The following COG3 variants were observed in gnomAD, a reference collection of about 807,000 sequenced individuals.
COG3 encodes component of oligomeric golgi complex 3, also known as conserved oligomeric Golgi complex subunit 3.
A neutral mutation model predicts 114.1 loss-of-function variants in COG3; 32 were observed. The observed-to-expected ratio is 0.28, with a 90% CI of 0.21 to 0.38. The LOEUF is 0.38. Among genes scored for constraint, COG3 ranks in the 10% least tolerant of loss-of-function variants. The probability of loss-of-function intolerance (pLI) is 1.00; values close to 1 mark genes in which losing one functional copy is unlikely to be tolerated. For synonymous variants in COG3, 352 were observed against 365.7 expected (o/e 0.96, Z 0.43); for missense variants, 813 against 973.2 (o/e 0.84, Z 2.19).
intron 22 of COG3, among the ~76,000 whole-genome samples, chr13:45,533,730 T>C (rs1171337032): frequency 6.6e-6 from 1 of 152,226 alleles, no homozygotes; most frequent in Non-Finnish European, 1.5e-5. Context: ...CATGTCTCTT[T>C]AGCTTCTTTT....
intron 1 of COG3, among the ~76,000 whole-genome samples, chr13:45,471,707 A>G (rs1486306766): frequency 2.0e-5 from 3 of 150,488 alleles, no homozygotes; most frequent in Non-Finnish European, 4.4e-5. Flanking sequence ...GTCTGCTGGT[A>G]ATGAATTCTC....
intron 13 of COG3, among the ~76,000 whole-genome samples, chr13:45,497,613 C>G (rs1210020104): frequency 6.6e-6 from 1 of 152,014 alleles, no homozygotes; most frequent in Non-Finnish European, 1.5e-5. Flanking sequence ...GCAAGAAACC[C>G]CATCTCTACT....
chr13:45,513,860 C>T (rs779889286), intron 16 of COG3, among the ~76,000 whole-genome samples: 2 of 151,844 alleles, frequency 1.3e-5, no homozygotes, highest in Non-Finnish European at 2.9e-5. Context: ...AACAATATTA[C>T]ACAGTCATTA....
chr13:45,508,462 TTGTA>T (rs1304146726), intron 14 of COG3, among the ~76,000 whole-genome samples: 1 of 148,828 alleles, frequency 6.7e-6, no homozygotes, highest in African/African-American at 2.5e-5. Flanking sequence ...ATGTGTGTAT[TTGTA>T]TGTGTTGGGG....
chr13:45,528,836 C>T (rs1872919741), intron 20 of COG3, among the ~76,000 whole-genome samples: 1 of 152,032 alleles, frequency 6.6e-6, no homozygotes, highest in South Asian at 2.1e-4. Context: ...TTTTGTTTTT[C>T]CTTATACTCT....
chr13:45,480,982 T>A (rs1886214439), intron 4 of COG3, among the ~76,000 whole-genome samples: 1 of 152,254 alleles, frequency 6.6e-6, no homozygotes, highest in South Asian at 2.1e-4. Flanking sequence ...GTCTCAGAAT[T>A]TTCTCTGTAT....
At chr13:45,534,508 T>C (rs3014901) in intron 22 of COG3, 194 bp from the exon 23 acceptor site, 266,366 of 380,728 alleles carry the variant, frequency 0.7, 94,278 homozygotes, top group Middle Eastern at 0.81. Context: ...TTTTTTTTTT[T>C]CCATTCTAAT....
At chr13:45,465,320 C>T in intron 1 of COG3, 110 bp downstream of exon 1, 1 of 1,436,830 alleles carries the variant, frequency 7.0e-7, no homozygotes, top group African/African-American at 1.5e-5. Context: ...CTCTCCACTC[C>T]TCCCTGGCCA....
intron 15 of COG3, among the ~76,000 whole-genome samples, chr13:45,511,342 C>CTGTA (rs1870840487): frequency 2.0e-5 from 3 of 152,240 alleles, no homozygotes; most frequent in Admixed American, 2.0e-4. Flanking sequence ...GAGCCATGTA[C>CTGTA]ATGATTTCCT....
chr13:45,520,687 C>T (rs1427381465), intron 19 of COG3, among the ~76,000 whole-genome samples: 1 of 145,130 alleles, frequency 6.9e-6, no homozygotes, highest in African/African-American at 2.5e-5. Context: ...CGAGTATTTG[C>T]AATGTGTGCA....
intron 13 of COG3, among the ~76,000 whole-genome samples, chr13:45,498,452 C>T (rs1458476541): frequency 2.0e-5 from 3 of 150,730 alleles, no homozygotes. Context: ...TTCTGCCTCC[C>T]GGGTTCAAGC....
intron 14 of COG3, among the ~76,000 whole-genome samples, chr13:45,509,244 T>G (rs1288269248): frequency 4.6e-5 from 7 of 152,178 alleles, no homozygotes; most frequent in African/African-American, 1.7e-4. Context: ...TTCACCACAT[T>G]GGTCAGGATG....
intron 18 of COG3, 41 bp from the exon 19 acceptor site, chr13:45,518,919 G>A: frequency 6.2e-7 from 1 of 1,613,400 alleles, no homozygotes; most frequent in Non-Finnish European, 8.5e-7. Context: ...GTGATTTCTA[G>A]GCACATAAAA....
In COG3 at chr13:45,464,956, G is replaced by C; in HGVS notation, c.-81G>C. 1 of 1,479,300 alleles carries C rather than the reference G, an allele frequency of 6.8e-7. No homozygotes were observed. Among genetic ancestry groups the C allele is most frequent in the African/African-American group, 1.4e-5 (1 of 71,078 alleles). 91.6% of individuals were successfully genotyped at this position (1,479,300 alleles called of 1,614,324 possible). A position where few individuals can be genotyped will look rare whatever the true frequency, so the allele number is the denominator to read the frequency against. ...CCGCCGGTGCAGTGTTGGAAGCTCCGGTTCTCCCGGAAGTGGCCCAGGTCT... is the reference window on the plus strand; with the variant it reads ...CCGCCGGTGCAGTGTTGGAAGCTCCCGTTCTCCCGGAAGTGGCCCAGGTCT... On this transcript the variant is annotated 5_prime_UTR_variant, in exon 1 of 23. Coordinates refer to ENST00000349995, the MANE Select transcript of COG3 (RefSeq NM_031431.4).
chr13:45,472,909 G>A (rs575557257), intron 1 of COG3, among the ~76,000 whole-genome samples: 3 of 151,984 alleles, frequency 2.0e-5, no homozygotes, highest in Non-Finnish European at 4.4e-5. Flanking sequence ...TCCCTCTGTC[G>A]CCTAGGCTGG....
At chr13:45,483,392 T>A in intron 7 of COG3, 37 bp downstream of exon 7, 1 of 1,492,238 alleles carries the variant, frequency 6.7e-7, no homozygotes, top group Non-Finnish European at 9.0e-7. Context: ...TTTTTGTTAT[T>A]GTTGTTGTTT....
At chr13:45,491,213 T>G (rs1010194875) in intron 9 of COG3, among the ~76,000 whole-genome samples, 199 bp from the exon 10 acceptor site, 2 of 152,234 alleles carry the variant, frequency 1.3e-5, no homozygotes, top group Admixed American at 6.5e-5. Flanking sequence ...CTTTAAAAGA[T>G]AAAGCTTATG....
Position 45,465,127 on chromosome 13 carries a change from A to G in COG3, c.91A>G (p.Thr31Ala). The G allele has an allele frequency of 1.9e-6, 3 of 1,613,410 alleles. No homozygotes were observed. Among genetic ancestry groups the G allele is most frequent in the Non-Finnish European group, 1.7e-6 (2 of 1,179,880 alleles). Reference protein sequence around the residue: ...KLALWDRRPDTTAPLTDRQTD... With the variant: ...KLALWDRRPDATAPLTDRQTD... The stretch of plus-strand genomic sequence containing the variant: ...GGCTCTCTGGGATCGGAGACCGGAC[A>G]CGACGGCGCCGCTGACCGACAGGCA... Residue 31 changes from threonine (T) to alanine (A), a missense_variant, in exon 1 of 23, where the codon ACG (threonine) becomes GCG (alanine). By Grantham distance (58) the Thr-to-Ala change is moderately conservative (BLOSUM62 0). Around this residue, in one of 2 missense-constraint regions of COG3, gnomAD observed 424 missense variants for 430.6 expected, o/e 0.98. Transcript: ENST00000349995.
At chr13:45,526,478 A>G (rs1426051905) in intron 20 of COG3, among the ~76,000 whole-genome samples, 1 of 152,138 alleles carries the variant, frequency 6.6e-6, no homozygotes, top group African/African-American at 2.4e-5. Context: ...AGATTTGTAA[A>G]TGTAGAGAAT....
Sources: allele counts gnomAD v4.1 joint callset (sites outside exome capture counted in the v4.1 genomes callset), GRCh38; gene constraint gnomAD v4.1.1; regional missense constraint gnomAD v4.1.1; transcripts MANE v1.5; gene names NCBI Gene and HGNC (gene_info 2026-07-23, HGNC 2026-07-21).